ABCA13: variants seen among roughly 807,000 people sequenced by gnomAD.
ABCA13 encodes ATP-binding cassette sub-family A member 13.
A neutral mutation model predicts 478.7 loss-of-function variants in ABCA13; 476 were observed. The observed-to-expected ratio is 0.99, with a 90% CI of 0.92 to 1.07. The LOEUF (loss-of-function observed/expected upper bound fraction) is 1.07, where lower values mean the gene tolerates loss of function less well. ABCA13 is among the 50% of genes least tolerant of loss of function. The pLI is 0.00. For missense variants in ABCA13, 6,060 were observed against 5,910.6 expected, an observed-to-expected ratio of 1.03 and a Z score of -0.83; for synonymous variants, 2,252 against 2,158.9, an observed-to-expected ratio of 1.04 and a Z score of -1.20.
In ABCA13 at chr7:48,520,118, A is replaced by G. The variant is rs770871327; in HGVS notation, c.13875A>G (p.Val4625=). 3 of 1,613,684 alleles carry G rather than the reference A, an allele frequency of 1.9e-6. No individual in the cohort carries two copies. The highest frequency in any genetic ancestry group is 2.2e-5 in the South Asian group (2 of 91,076). Reference sequence around the variant, plus strand: ...AATTCTGTCTTGGTCAAGGACTGGTAGAACTCTGCTATAATCAGATCAAAT... The same window carrying G: ...AATTCTGTCTTGGTCAAGGACTGGTGGAACTCTGCTATAATCAGATCAAAT... ...FPQFCLGQGL[V]ELCYNQIKYD... is the part of the protein sequence containing the mutation. The change falls in exon 53 of 62, where the codon GTA becomes GTG. Residue 4625 remains valine (V), a synonymous_variant. Coordinates refer to ENST00000435803, the MANE Select transcript of ABCA13 (RefSeq NM_152701.5).
intron 59 of ABCA13, among the ~76,000 whole-genome samples, chr7:48,642,089 C>T (rs754876955): frequency 6.6e-6 from 1 of 152,108 alleles, no homozygotes; most frequent in Non-Finnish European, 1.5e-5. Flanking sequence ...GATTAGAAAC[C>T]ATTAACTCGA....
chr7:48,617,074 A>G (rs909861003), intron 59 of ABCA13, among the ~76,000 whole-genome samples: 2 of 152,192 alleles, frequency 1.3e-5, no homozygotes, highest in African/African-American at 4.8e-5. Context: ...TTATTCTCCT[A>G]TAACTATAAA....
At chr7:48,205,932 G>A (rs1469401222) in intron 3 of ABCA13, among the ~76,000 whole-genome samples, 2 of 152,104 alleles carry the variant, frequency 1.3e-5, no homozygotes, top group African/African-American at 4.8e-5. Context: ...AATTTGACAT[G>A]TCTATGCACC....
intron 48 of ABCA13, among the ~76,000 whole-genome samples, chr7:48,495,652 C>T (rs937200760): frequency 8.6e-5 from 13 of 152,034 alleles, no homozygotes; most frequent in African/African-American, 1.9e-4. Flanking sequence ...TGCTGAGAGG[C>T]GAGTAGTAAA....
At chr7:48,253,708 T>G (rs909569267) in intron 15 of ABCA13, among the ~76,000 whole-genome samples, 1 of 152,162 alleles carries the variant, frequency 6.6e-6, no homozygotes, top group Non-Finnish European at 1.5e-5. Context: ...GGTCCCAAAC[T>G]CCTCAGCTCA....
intron 41 of ABCA13, among the ~76,000 whole-genome samples, chr7:48,427,329 A>G (rs5028265): frequency 0.27 from 41,638 of 151,950 alleles, 5,819 homozygotes; most frequent in East Asian, 0.37. Context: ...GCATACATTT[A>G]ATGGGGATTT....
intron 23 of ABCA13, among the ~76,000 whole-genome samples, chr7:48,306,781 G>A (rs1024533506): frequency 6.6e-6 from 1 of 152,226 alleles, no homozygotes; most frequent in Non-Finnish European, 1.5e-5. Context: ...TTAATTTTGT[G>A]TGTCAACTTG....
chr7:48,604,968 T>A (rs1791320126), intron 58 of ABCA13, among the ~76,000 whole-genome samples: 1 of 152,222 alleles, frequency 6.6e-6, no homozygotes, highest in South Asian at 2.1e-4. Context: ...ATTGATCCCT[T>A]TACCATTATG....
At chr7:48,592,559 G>A (rs1486934206) in intron 57 of ABCA13, among the ~76,000 whole-genome samples, 1 of 151,856 alleles carries the variant, frequency 6.6e-6, no homozygotes, top group Non-Finnish European at 1.5e-5. Context: ...GCTATTGTTG[G>A]ATGGAATGTT....
chr7:48,350,536 G>A lies in ABCA13; in HGVS notation c.10205-107G>A, dbSNP rs944499519. 4.6e-6 allele frequency: 6 copies of A among 1,305,226 alleles called. 1 individual carries two copies. The highest frequency in any genetic ancestry group is 5.7e-4 in the Middle Eastern group (2 of 3,530). 80.9% of individuals were successfully genotyped at this position (1,305,226 alleles called of 1,614,324 possible). A position where few individuals can be genotyped will look rare whatever the true frequency, so the allele number is the denominator to read the frequency against. On this transcript the variant is annotated intron_variant, in intron 29 of 61. Transcript: ENST00000435803. ...TCTTTTGAGCAATTTTTTAGTGGAA[G>A]AATTCATATTCATTTTCAAATCCAT...
intron 42 of ABCA13, among the ~76,000 whole-genome samples, chr7:48,433,667 T>C (rs996219456): frequency 6.6e-6 from 1 of 151,996 alleles, no homozygotes; most frequent in Admixed American, 6.6e-5. Flanking sequence ...CTGTACCAAT[T>C]AGACAACAAC....
chr7:48,395,582 T>G (rs1339451243), intron 38 of ABCA13, among the ~76,000 whole-genome samples: 1 of 152,156 alleles, frequency 6.6e-6, no homozygotes, highest in Admixed American at 6.6e-5. Context: ...TCAACCACCT[T>G]TGAGATAGCA....
At chr7:48,495,193 AG>A (rs1830170519) in intron 48 of ABCA13, among the ~76,000 whole-genome samples, 3 of 152,232 alleles carry the variant, frequency 2.0e-5, no homozygotes, top group Admixed American at 1.3e-4. Context: ...TAAAGAAAAA[AG>A]TTTTTACAAA....
At chr7:48,625,294 G>T (rs1793561271) in intron 59 of ABCA13, among the ~76,000 whole-genome samples, 1 of 152,122 alleles carries the variant, frequency 6.6e-6, no homozygotes, top group Non-Finnish European at 1.5e-5. Context: ...TAATGAAGTG[G>T]ATCATTTAAA....
intron 38 of ABCA13, among the ~76,000 whole-genome samples, chr7:48,396,381 A>G (rs1816833541): frequency 6.6e-6 from 1 of 152,150 alleles, no homozygotes; most frequent in African/African-American, 2.4e-5. Context: ...GCCAGCCGCT[A>G]TGGTGGATAT....
In ABCA13 at chr7:48,389,315, T is replaced by C. The variant is rs187486607; in HGVS notation, c.11654+95T>C. ...AGAAGGTTTGATTTCTTTTCCTTTT[T>C]TTAAAATTTTGAGTCTCAATACAGA... On this transcript the variant is annotated intron_variant, in intron 37 of 61. Transcript: ENST00000435803. 3.7e-4 allele frequency: 517 copies of C among 1,403,226 alleles called. 1 individual carries two copies. In the African/African-American group the frequency reaches 6.6e-3, roughly 18 times the overall value. 86.9% of individuals were successfully genotyped at this position (1,403,226 alleles called of 1,614,324 possible). A position where few individuals can be genotyped will look rare whatever the true frequency, so the allele number is the denominator to read the frequency against.
At chr7:48,282,292 G>T (rs1797152715) in intron 19 of ABCA13, among the ~76,000 whole-genome samples, 1 of 152,188 alleles carries the variant, frequency 6.6e-6, no homozygotes. Flanking sequence ...TTAGACTTTA[G>T]AGCACACTTG....
Position 48,240,965 on chromosome 7 carries a change from C to A in ABCA13, c.1161C>A (p.Ser387Arg). Reference sequence around the variant, plus strand: ...TCAGGAATCAGTTTGAAGAAGAGAGCAAGCCCTGGAAGGTGGTGGAAGCTC... The same window carrying A: ...TCAGGAATCAGTTTGAAGAAGAGAGAAAGCCCTGGAAGGTGGTGGAAGCTC... ...EALRNQFEEE[S>R]KPWKVVEALH... is the part of the protein sequence containing the mutation. The change falls in exon 10 of 62, where the codon AGC (serine) becomes AGA (arginine). Residue 387 changes from serine (S) to arginine (R), a missense_variant. This residue lies in a region of ABCA13 where 4,423 missense variants were observed against 4,309.1 expected (regional missense o/e 1.03). Transcript: ENST00000435803. 6.2e-7 allele frequency: 1 copy of A among 1,613,688 alleles called. No individual in the cohort carries two copies. Among genetic ancestry groups the A allele is most frequent in the Non-Finnish European group, 8.5e-7 (1 of 1,179,676 alleles).
chr7:48,239,230 ATTG>A lies in ABCA13; in HGVS notation c.898-6_898-4del. The A allele has an allele frequency of 1.2e-6, 2 of 1,613,394 alleles. No homozygotes were observed. Among genetic ancestry groups the A allele is most frequent in the South Asian group, 1.1e-5 (1 of 91,026 alleles). On this transcript the variant is annotated splice_polypyrimidine_tract_variant and splice_region_variant and intron_variant, in intron 8 of 61. Transcript: ENST00000435803. ...GCTTTATGTCTAAATATTTTTTCAT[ATTG>A]TTGTCAGATTCCCACAGACACTTCC...
Sources: gnomAD v4.1 joint callset for allele counts (sites outside exome capture counted in the v4.1 genomes callset) on GRCh38, gnomAD v4.1.1 for gene constraint, gnomAD v4.1.1 regional missense constraint, MANE v1.5 for transcripts, NCBI Gene and HGNC (gene_info 2026-07-23, HGNC 2026-07-21) for gene names.